The following NEDD9 variants were observed in gnomAD, a reference collection of about 807,000 sequenced individuals.
NEDD9 encodes the protein enhancer of filamentation 1.
A neutral mutation model predicts 76.6 loss-of-function variants in NEDD9; 26 were observed. That is an observed-to-expected ratio of 0.34 (90% confidence interval 0.25 to 0.47). The LOEUF (loss-of-function observed/expected upper bound fraction) is 0.47, where lower values mean the gene tolerates loss of function less well. NEDD9 is among the 20% of genes least tolerant of loss of function. The pLI is 1.00. For synonymous variants in NEDD9, 392 were observed against 414.2 expected (o/e 0.95, Z 0.65); for missense variants, 937 against 1,058.5 (o/e 0.89, Z 1.59).
At chr6:11,354,277 C>T (rs1238383724) in intron 1 of NEDD9, among the ~76,000 whole-genome samples, 4 of 152,182 alleles carry the variant, frequency 2.6e-5, no homozygotes, top group Non-Finnish European at 4.4e-5. Context: ...AGCTGGAAAA[C>T]GTGGGGGCAA....
At chr6:11,317,496 GA>G (rs1041729281) in intron 2 of NEDD9, among the ~76,000 whole-genome samples, 1 of 152,104 alleles carries the variant, frequency 6.6e-6, no homozygotes, top group Non-Finnish European at 1.5e-5. Context: ...GGGCCGCACA[GA>G]GAAGAGAGGC....
chr6:11,347,257 C>A (rs898970172), intron 1 of NEDD9, among the ~76,000 whole-genome samples: 2 of 152,244 alleles, frequency 1.3e-5, no homozygotes, highest in East Asian at 3.9e-4. Flanking sequence ...GACTCAATTT[C>A]TTTATTTATA....
intron 2 of NEDD9, among the ~76,000 whole-genome samples, chr6:11,209,390 G>GT (rs1347011411): frequency 6.6e-6 from 1 of 152,140 alleles, no homozygotes; most frequent in Non-Finnish European, 1.5e-5. Context: ...AACTTGGAGA[G>GT]TTTTTTTCCA....
chr6:11,250,856 T>G (rs1402912173), intron 3 of NEDD9, among the ~76,000 whole-genome samples: 1 of 152,216 alleles, frequency 6.6e-6, no homozygotes, highest in Non-Finnish European at 1.5e-5. Context: ...TTAAAATGAT[T>G]CTTTTTACTG....
At chr6:11,280,726 C>T (rs1238520913) in intron 3 of NEDD9, among the ~76,000 whole-genome samples, 1 of 152,234 alleles carries the variant, frequency 6.6e-6, no homozygotes, top group Non-Finnish European at 1.5e-5. Flanking sequence ...TGTTGGGGGC[C>T]CCACGCTTGG....
At chr6:11,204,613 G>A (rs371252048) in intron 2 of NEDD9, among the ~76,000 whole-genome samples, 1 of 151,372 alleles carries the variant, frequency 6.6e-6, no homozygotes, top group South Asian at 2.1e-4. Context: ...CCAGCTACTC[G>A]GGAGGCTAAG....
chr6:11,231,256 T>C (rs1380526291), intron 1 of NEDD9, among the ~76,000 whole-genome samples: 1 of 152,218 alleles, frequency 6.6e-6, no homozygotes, highest in East Asian at 1.9e-4. Flanking sequence ...AGAAAGCTGA[T>C]GAAACAGAAA....
chr6:11,270,801 T>C (rs546024328), intron 3 of NEDD9, among the ~76,000 whole-genome samples: 69 of 152,298 alleles, frequency 4.5e-4, no homozygotes, highest in African/African-American at 1.6e-3. Context: ...AAAGAGACAG[T>C]TGAGGCTCCA....
intron 3 of NEDD9, among the ~76,000 whole-genome samples, chr6:11,261,056 A>G (rs1490796186): frequency 1.3e-5 from 2 of 152,196 alleles, no homozygotes; most frequent in African/African-American, 2.4e-5. Flanking sequence ...GCCATTTTGG[A>G]AAGTAAGCTC....
chr6:11,326,418 A>G (rs1427597922), intron 2 of NEDD9, among the ~76,000 whole-genome samples: 1 of 152,188 alleles, frequency 6.6e-6, no homozygotes, highest in African/African-American at 2.4e-5. Context: ...ACACACTGGT[A>G]TGTTTGGCCC....
intron 3 of NEDD9, among the ~76,000 whole-genome samples, chr6:11,281,788 C>G (rs1408687776): frequency 1.3e-5 from 2 of 152,216 alleles, no homozygotes; most frequent in Admixed American, 6.5e-5. Flanking sequence ...GACTCTCGCT[C>G]TGTCACCCAG....
intron 2 of NEDD9, among the ~76,000 whole-genome samples, chr6:11,308,711 T>C (rs568223500): frequency 6.6e-6 from 1 of 152,230 alleles, no homozygotes; most frequent in South Asian, 2.1e-4. Flanking sequence ...AATTTATAAT[T>C]TTACAATATT....
Position 11,184,966 on chromosome 6 carries a change from C to A in NEDD9, c.*196G>T. On this transcript the variant is annotated 3_prime_UTR_variant, in exon 7 of 7. Coordinates refer to ENST00000379446, the MANE Select transcript of NEDD9 (RefSeq NM_006403.4). ...AGATACTTCTATGTATACATAAGAA[C>A]CACTCAGGGGGAAAAAAAAAGATTT... 1 of 650,784 alleles carries A rather than the reference C, an allele frequency of 1.5e-6. No homozygotes were observed. The highest frequency in any genetic ancestry group is 3.2e-5 in the Admixed American group (1 of 31,572). 40.3% of individuals were successfully genotyped at this position (650,784 alleles called of 1,614,324 possible).
In NEDD9 at chr6:11,190,345, C is replaced by G; in HGVS notation, c.1524G>C (p.Glu508Asp). 1 of 1,614,228 alleles carries G rather than the reference C, an allele frequency of 6.2e-7. No individual in the cohort carries two copies. Among genetic ancestry groups the G allele is most frequent in the Non-Finnish European group, 8.5e-7 (1 of 1,180,038 alleles). The part of the protein sequence containing the change: ...ILSQTSHDLN[E>D]CSWSLNILAI... ...CCAAGATATTCAGGGACCAGCTGCACTCATTTAAGTCATGGCTGGTTTGAC... is the reference window on the plus strand; with the variant it reads ...CCAAGATATTCAGGGACCAGCTGCAGTCATTTAAGTCATGGCTGGTTTGAC... The change falls in exon 5 of 7, where the codon GAG becomes GAC. Residue 508 changes from glutamate (E) to aspartate (D), a missense_variant. By Grantham distance (45) the Glu-to-Asp change is conservative. Coordinates refer to ENST00000379446, the MANE Select transcript of NEDD9 (RefSeq NM_006403.4). This position sits in a 1 kb window ranked among gnomAD's most constrained non-coding sequence, Gnocchi z 5.8.
chr6:11,189,688 T>C (rs1307613679), intron 5 of NEDD9, among the ~76,000 whole-genome samples: 1 of 152,136 alleles, frequency 6.6e-6, no homozygotes, highest in Admixed American at 6.6e-5. Flanking sequence ...CCTTACCCCA[T>C]TCATTTTGCA....
At chr6:11,220,772 T>C (rs1759116933) in intron 1 of NEDD9, among the ~76,000 whole-genome samples, 1 of 152,220 alleles carries the variant, frequency 6.6e-6, no homozygotes, top group African/African-American at 2.4e-5. Flanking sequence ...ACAGCATAGC[T>C]GTGCAATTAC....
At chr6:11,374,219 A>G (rs1043657879) in intron 1 of NEDD9, among the ~76,000 whole-genome samples, 16 of 152,146 alleles carry the variant, frequency 1.1e-4, no homozygotes, top group African/African-American at 3.9e-4. Context: ...AAGACCTCAC[A>G]ACTACTAAAG....
chr6:11,368,599 AAAGCT>A (rs1762808456), intron 1 of NEDD9, among the ~76,000 whole-genome samples: 1 of 152,226 alleles, frequency 6.6e-6, no homozygotes, highest in African/African-American at 2.4e-5. Flanking sequence ...ATAATAAAGG[AAAGCT>A]AACTTTAAAA....
chr6:11,205,588 ACT>A (rs1367899063), intron 2 of NEDD9, among the ~76,000 whole-genome samples: 1 of 150,704 alleles, frequency 6.6e-6, no homozygotes, highest in Non-Finnish European at 1.5e-5. Context: ...TAAAGAGAGG[ACT>A]CCTTGGCACT....
Sources: allele counts gnomAD v4.1 joint callset (sites outside exome capture counted in the v4.1 genomes callset), GRCh38; gene constraint gnomAD v4.1.1; non-coding constraint Gnocchi (gnomAD v3.1); transcripts MANE v1.5; gene names NCBI Gene and HGNC (gene_info 2026-07-23, HGNC 2026-07-21).